The following NCOA6 variants were observed in gnomAD, a reference collection of about 807,000 sequenced individuals.
NCOA6 encodes the protein NRC RAP250.
NCOA6 carries 49 observed loss-of-function variants against 171.4 expected under a neutral mutation model. That is an observed-to-expected ratio of 0.29 (90% CI 0.23 to 0.36). The LOEUF (loss-of-function observed/expected upper bound fraction) is 0.36, where lower values mean the gene tolerates loss of function less well. NCOA6 is among the 10% of genes least tolerant of loss of function. The pLI is 1.00. For synonymous variants in NCOA6, 910 were observed against 927.5 expected (o/e 0.98, Z 0.34); for missense variants, 2,248 against 2,554.5 (o/e 0.88, Z 2.59).
intron 12 of NCOA6, among the ~76,000 whole-genome samples, chr20:34,735,367 C>T (rs1053940530): frequency 2.8e-4 from 42 of 152,164 alleles, no homozygotes; most frequent in Middle Eastern, 3.4e-3. Flanking sequence ...GTGGCTGGGC[C>T]GGAAGTAGTG....
chr20:34,741,427 G>A lies in NCOA6; in HGVS notation c.4829C>T (p.Ala1610Val), dbSNP rs772538398. Reference sequence around the variant, plus strand: ...AGTTGGCAAAGCTGCTGATGTGTTAGCTGAAGTTGTGATGGGATTGGAAGT... The same window carrying A: ...AGTTGGCAAAGCTGCTGATGTGTTAACTGAAGTTGTGATGGGATTGGAAGT... Reference protein sequence around the residue: ...FVTSNPITTSANTSAALPTHL... With the variant: ...FVTSNPITTSVNTSAALPTHL... Residue 1610 changes from alanine to valine, a missense_variant, in exon 11 of 15, where the codon GCT (alanine) becomes GTT (valine). Coordinates refer to ENST00000359003, the MANE Select transcript of NCOA6 (RefSeq NM_014071.5). 1.9e-6 allele frequency: 3 copies of A among 1,614,218 alleles called. No individual in the cohort carries two copies. Among genetic ancestry groups the A allele is most frequent in the East Asian group, 4.5e-5 (2 of 44,886 alleles).
chr20:34,750,817 TTAAA>T (rs1339086445), intron 8 of NCOA6, among the ~76,000 whole-genome samples: 1 of 152,160 alleles, frequency 6.6e-6, no homozygotes, highest in Non-Finnish European at 1.5e-5. Context: ...TTCTTTCAGA[TTAAA>T]TAATGAGAAA....
At chr20:34,755,422 A>C (rs2145790885) in intron 7 of NCOA6, among the ~76,000 whole-genome samples, 1 of 152,300 alleles carries the variant, frequency 6.6e-6, no homozygotes, top group East Asian at 1.9e-4. Context: ...AGGAGATTAG[A>C]AACAGTTCAT....
At chr20:34,817,360 T>C (rs2078875859) in intron 1 of NCOA6, among the ~76,000 whole-genome samples, 1 of 151,900 alleles carries the variant, frequency 6.6e-6, no homozygotes, top group African/African-American at 2.4e-5. Context: ...TATTAACTGA[T>C]ATAGTTAATT....
At chr20:34,779,114 AT>A (rs1288457480) in intron 3 of NCOA6, among the ~76,000 whole-genome samples, 1 of 152,184 alleles carries the variant, frequency 6.6e-6, no homozygotes, top group Admixed American at 6.5e-5. Flanking sequence ...GTATTATACA[AT>A]AAAAAATACT....
At chr20:34,793,612 G>C (rs2077965755) in intron 1 of NCOA6, among the ~76,000 whole-genome samples, 1 of 151,516 alleles carries the variant, frequency 6.6e-6, no homozygotes, top group Admixed American at 6.6e-5. Context: ...AAGAAAGCTA[G>C]ATCCTGTCTC....
chr20:34,727,496 T>C, intron 13 of NCOA6, 89 bp from the exon 14 acceptor site: 1 of 1,383,034 alleles, frequency 7.2e-7, no homozygotes, highest in Non-Finnish European at 1.0e-6. Flanking sequence ...ATTCGTAAAG[T>C]AGGAGACTAA....
At chr20:34,756,519 T>C (rs1447607725) in intron 7 of NCOA6, among the ~76,000 whole-genome samples, 2 of 152,198 alleles carry the variant, frequency 1.3e-5, no homozygotes, top group Non-Finnish European at 2.9e-5. Context: ...GATCAATGAT[T>C]AATAAGAATA....
Position 34,741,271 on chromosome 20 carries a change from T to C in NCOA6, c.4985A>G (p.Asn1662Ser). 3.7e-6 allele frequency: 6 copies of C among 1,614,182 alleles called. No homozygotes were observed. The highest frequency in any genetic ancestry group is 1.7e-5 in the Admixed American group (1 of 60,022). Reference sequence around the variant, plus strand: ...CATAACCTGAATTATTGAGGATGAATTGATAAAGACAGGTGTAATGAACTG... The same window carrying C: ...CATAACCTGAATTATTGAGGATGAACTGATAAAGACAGGTGTAATGAACTG... ...RPQFITPVFI[N>S]SSSIIQVMKG... The change falls in exon 11 of 15, where the codon AAT (asparagine) becomes AGT (serine). Residue 1662 changes from asparagine to serine, a missense_variant. Coordinates refer to ENST00000359003, the MANE Select transcript of NCOA6 (RefSeq NM_014071.5).
At chr20:34,764,096 T>G (rs1471273687) in intron 5 of NCOA6, among the ~76,000 whole-genome samples, 3 of 151,548 alleles carry the variant, frequency 2.0e-5, no homozygotes, top group African/African-American at 7.3e-5. Context: ...ATTTTTTTTT[T>G]TTGTTTTTTG....
chr20:34,802,197 T>C (rs553599543), intron 1 of NCOA6, among the ~76,000 whole-genome samples: 1 of 152,354 alleles, frequency 6.6e-6, no homozygotes, highest in Admixed American at 6.5e-5. Context: ...CTGGGTGCGG[T>C]GGCTCACGCC....
chr20:34,776,642 C>T (rs557952990), intron 3 of NCOA6, 194 bp from the exon 4 acceptor site: 10 of 704,756 alleles, frequency 1.4e-5, no homozygotes, highest in East Asian at 5.5e-5. Context: ...TGACCATGAA[C>T]GAGCTATTTA....
At position 34,817,231 on chromosome 20, in the gene NCOA6, G is replaced by A. The variant is rs970351055; in HGVS notation, c.-164+8241C>T. Among the ~76,000 whole-genome samples the A allele has an allele frequency of 2.2e-4, 33 of 150,686 alleles. 1 individual carries two copies. Among genetic ancestry groups the A allele is most frequent in the Non-Finnish European group, 3.0e-4 (20 of 67,462 alleles). ...TATCAGTAAAGGAGCTGATTAATGG[G>A]AACTTTTGTTGCCTTTGTGTGTGTG... On this transcript the variant is annotated intron_variant, in intron 1 of 14. Coordinates refer to ENST00000359003, the MANE Select transcript of NCOA6 (RefSeq NM_014071.5).
intron 3 of NCOA6, among the ~76,000 whole-genome samples, chr20:34,780,426 C>T (rs1362654248): frequency 6.7e-6 from 1 of 150,118 alleles, no homozygotes; most frequent in Non-Finnish European, 1.5e-5. Flanking sequence ...GGCATGATCT[C>T]GGCTCACTGC....
chr20:34,808,552 C>T (rs987109358), intron 1 of NCOA6, among the ~76,000 whole-genome samples: 7 of 151,540 alleles, frequency 4.6e-5, no homozygotes, highest in African/African-American at 1.7e-4. Context: ...GATTCTCCTG[C>T]CTCAGCCTCC....
At chr20:34,808,132 G>A (rs927155454) in intron 1 of NCOA6, among the ~76,000 whole-genome samples, 4 of 151,286 alleles carry the variant, frequency 2.6e-5, no homozygotes, top group African/African-American at 9.7e-5. Flanking sequence ...CCTGGTAACA[G>A]AGCGAGATTC....
intron 8 of NCOA6, 75 bp downstream of exon 8, chr20:34,754,647 T>C: frequency 6.4e-7 from 1 of 1,563,808 alleles, no homozygotes; most frequent in East Asian, 2.2e-5. Flanking sequence ...TACTTATCTG[T>C]ATACTCCTGT....
chr20:34,812,991 C>T (rs919782572), intron 1 of NCOA6, among the ~76,000 whole-genome samples: 2 of 152,006 alleles, frequency 1.3e-5, no homozygotes, highest in African/African-American at 4.8e-5. Flanking sequence ...GAAACCCTGT[C>T]TCTATTAAAA....
Position 34,749,831 on chromosome 20 carries a change from C to G in NCOA6, c.2364G>C (p.Leu788=). The change falls in exon 9 of 15, where the codon CTG becomes CTC. Residue 788 remains leucine (L), a synonymous_variant. Coordinates refer to ENST00000359003, the MANE Select transcript of NCOA6 (RefSeq NM_014071.5). ...SQVMGIQGQV[L]RPPGPSPHMA... ...TGTGTGGGCTGGGCCCTGGTGGCCG[C>G]AGGACCTGTCCCTGAATGCCCATAA... 6.2e-7 allele frequency: 1 copy of G among 1,614,192 alleles called. No homozygotes were observed. Among genetic ancestry groups the G allele is most frequent in the Admixed American group, 1.7e-5 (1 of 60,030 alleles).
Sources: gnomAD v4.1 joint callset for allele counts (sites outside exome capture counted in the v4.1 genomes callset) on GRCh38, gnomAD v4.1.1 for gene constraint, MANE v1.5 for transcripts, NCBI Gene and HGNC (gene_info 2026-07-23, HGNC 2026-07-21) for gene names.